The following SCAMP3 variants were observed in gnomAD, a reference collection of about 807,000 sequenced individuals.
SCAMP3 encodes secretory carrier-associated membrane protein 3.
In SCAMP3, 30 loss-of-function variants were observed where a neutral mutation model predicts 44.1. The ratio of observed to expected loss-of-function variants is 0.68; its 90% confidence interval spans 0.51 to 0.92. SCAMP3 has a LOEUF of 0.92. Ranked by LOEUF, SCAMP3 falls within the 40% of genes least tolerant of loss-of-function variation. The probability of loss-of-function intolerance (pLI) is 0.00; values close to 1 mark genes in which losing one functional copy is unlikely to be tolerated. For synonymous variants in SCAMP3, 168 were observed against 171.1 expected (o/e 0.98, Z 0.14); for missense variants, 394 against 440.0 (o/e 0.90, Z 0.93).
intron 7 of SCAMP3, 133 bp downstream of exon 7, chr1:155,257,152 T>C: frequency 1.5e-6 from 1 of 657,750 alleles, no homozygotes; most frequent in African/African-American, 1.8e-5. Flanking sequence ...TGGAAGTATG[T>C]CTTGTATCTC....
Position 155,260,736 on chromosome 1 carries a change from A to G in SCAMP3, c.145-77T>C, listed in dbSNP as rs574412719. 43 of 1,301,816 alleles carry G rather than the reference A, an allele frequency of 3.3e-5. No individual in the cohort carries two copies. In the South Asian group the frequency reaches 5.3e-4, roughly 16 times the overall value. The allele number at this position is 1,301,816 out of a possible 1,614,324, so 80.6% of individuals were successfully genotyped here. On this transcript the variant is annotated intron_variant, in intron 2 of 8. Transcript: ENST00000302631. ...CTAGAGTCTGCTTGAATACCTTTAG[A>G]CCCAGAACTCATGATGTAAGGAAGC...
intron 2 of SCAMP3, 49 bp downstream of exon 2, chr1:155,261,608 C>T (rs1406482123): frequency 3.9e-6 from 6 of 1,552,292 alleles, no homozygotes; most frequent in Non-Finnish European, 4.4e-6. Flanking sequence ...ACTTGTCTCA[C>T]TGGCAAACCC....
rs750434891 is a variant in SCAMP3 at position 155,261,641 on chromosome 1, C to T, written c.144+16G>A. On this transcript the variant is annotated intron_variant, in intron 2 of 8. Coordinates refer to ENST00000302631, the MANE Select transcript of SCAMP3 (RefSeq NM_005698.4). ...CCCTTCCCTTCCTTGAACTCCTATG[C>T]TCTCCAGTAGCTCACCTCCCGGGTC... The T allele has an allele frequency of 1.9e-6, 3 of 1,610,414 alleles. No individual in the cohort carries two copies. Among genetic ancestry groups the T allele is most frequent in the South Asian group, 1.1e-5 (1 of 91,030 alleles).
In SCAMP3 at chr1:155,257,404, A is replaced by G. The variant is rs1572002700; in HGVS notation, c.678-18T>C. The G allele has an allele frequency of 6.2e-7, 1 of 1,610,310 alleles. No homozygotes were observed. The highest frequency in any genetic ancestry group is 8.5e-7 in the Non-Finnish European group (1 of 1,177,376). ...TGTCACTCCTACAAAGAGGAAAAAA[A>G]TGGGGAGGGTGGGAGAAGAATTAGA... On this transcript the variant is annotated intron_variant, in intron 6 of 8. Coordinates refer to ENST00000302631, the MANE Select transcript of SCAMP3 (RefSeq NM_005698.4).
Position 155,258,813 on chromosome 1 carries a change from T to C in SCAMP3, c.517+13A>G. 6.3e-7 allele frequency: 1 copy of C among 1,598,658 alleles called. No homozygotes were observed. The highest frequency in any genetic ancestry group is 1.4e-5 in the African/African-American group (1 of 73,772). ...TACCTGTAACTTCCTCCAAAAGGCT[T>C]CTCACTACTCACACATCCAGAGGTA... On this transcript the variant is annotated intron_variant, in intron 5 of 8. Transcript: ENST00000302631.
intron 8 of SCAMP3, 40 bp downstream of exon 8, chr1:155,256,634 G>T: frequency 6.4e-7 from 1 of 1,561,862 alleles, no homozygotes; most frequent in Non-Finnish European, 8.8e-7. Flanking sequence ...GGGGACCCAT[G>T]ATCTCACCAT....
At position 155,259,826 on chromosome 1, in the gene SCAMP3, G is replaced by A. The variant is rs1015653330; in HGVS notation, c.388+504C>T. On this transcript the variant is annotated intron_variant, in intron 4 of 8. Coordinates refer to ENST00000302631, the MANE Select transcript of SCAMP3 (RefSeq NM_005698.4). ...ACAACCCTGTCAAACGGATGCAAACGTGGTTTTCATTTTATAAATAGGGAA... is the reference window on the plus strand; with the variant it reads ...ACAACCCTGTCAAACGGATGCAAACATGGTTTTCATTTTATAAATAGGGAA... Among the ~76,000 whole-genome samples the A allele has an allele frequency of 5.3e-5, 8 of 152,044 alleles. No homozygotes were observed. The East Asian group carries it at 1.2e-3, about 22-fold the overall frequency.
At chr1:155,257,191 A>G in intron 7 of SCAMP3, 94 bp downstream of exon 7, 1 of 832,832 alleles carries the variant, frequency 1.2e-6, no homozygotes. Flanking sequence ...AAGGATTAAA[A>G]CCACATTTCC....
At chr1:155,259,717 G>A (rs1672907335) in intron 4 of SCAMP3, among the ~76,000 whole-genome samples, 1 of 152,036 alleles carries the variant, frequency 6.6e-6, no homozygotes, top group African/African-American at 2.4e-5. Context: ...AAGTGAGAGT[G>A]GAAAAATTAA....
chr1:155,260,232 A>AT, intron 4 of SCAMP3, 98 bp downstream of exon 4: 2 of 1,448,162 alleles, frequency 1.4e-6, no homozygotes, highest in Non-Finnish European at 1.9e-6. Flanking sequence ...TGCTGGGATT[A>AT]TAGGTGTGAG....
intron 5 of SCAMP3, 131 bp downstream of exon 5, chr1:155,258,695 A>C (rs1672874005): frequency 2.5e-6 from 2 of 794,224 alleles, no homozygotes; most frequent in Non-Finnish European, 4.0e-6. Flanking sequence ...AAGTGGGGAG[A>C]GGGCAAGAAC....
At position 155,260,626 on chromosome 1, in the gene SCAMP3, G is replaced by C. The variant is rs778927364; in HGVS notation, c.178C>G (p.Pro60Ala). Reference sequence around the variant, plus strand: ...GAGGGAGCTGAGGGTGGAGGCAATGGGGCAGGGGCTGGAGGCTCATAGGCT... The same window carrying C: ...GAGGGAGCTGAGGGTGGAGGCAATGCGGCAGGGGCTGGAGGCTCATAGGCT... ...PPAYEPPAPAPLPPPSAPSLQ... is the reference protein window; with the variant it reads ...PPAYEPPAPAALPPPSAPSLQ... The change falls in exon 3 of 9, where the codon CCA becomes GCA. Residue 60 changes from proline to alanine, a missense_variant. By Grantham distance (27) the Pro-to-Ala change is conservative (BLOSUM62 -1). Transcript: ENST00000302631. 6 of 1,613,856 alleles carry C rather than the reference G, an allele frequency of 3.7e-6. No individual in the cohort carries two copies. Among genetic ancestry groups the C allele is most frequent in the Non-Finnish European group, 5.1e-6 (6 of 1,179,862 alleles).
At chr1:155,261,839 G>A in intron 1 of SCAMP3, 105 bp from the exon 2 acceptor site, 4 of 1,083,924 alleles carry the variant, frequency 3.7e-6, no homozygotes, top group African/African-American at 3.1e-5. Context: ...CACCTTCGGG[G>A]CCACGCCGTT....
At chr1:155,261,959 C>T in intron 1 of SCAMP3, 127 bp downstream of exon 1, 1 of 980,026 alleles carries the variant, frequency 1.0e-6, no homozygotes, top group Non-Finnish European at 1.6e-6. Context: ...TCTGGAGTCA[C>T]TGTCACCCCA....
chr1:155,257,406 G>A lies in SCAMP3; in HGVS notation c.678-20C>T, dbSNP rs751520074. On this transcript the variant is annotated intron_variant, in intron 6 of 8. Transcript: ENST00000302631. ...TCACTCCTACAAAGAGGAAAAAAAT[G>A]GGGAGGGTGGGAGAAGAATTAGAGC... The A allele has an allele frequency of 1.4e-5, 23 of 1,608,664 alleles. No individual in the cohort carries two copies. Among genetic ancestry groups the A allele is most frequent in the Middle Eastern group, 3.3e-4 (2 of 6,078 alleles).
In SCAMP3 at chr1:155,260,448, G is replaced by A. The variant is rs901210554; in HGVS notation, c.270C>T (p.Ala90=). The A allele has an allele frequency of 6.2e-7, 1 of 1,614,156 alleles. No homozygotes were observed. The highest frequency in any genetic ancestry group is 8.5e-7 in the Non-Finnish European group (1 of 1,180,042). ...GCTCAGCTGTGGCTGCTGCAGCTGA[G>A]GCCTGCCCAGTGTGAGCAGACGGAG... ...PKNYGSYSTQ[A]SAAAATAELL... The change falls in exon 4 of 9, where the codon GCC becomes GCT. Residue 90 remains alanine, a splice_region_variant and synonymous_variant. Transcript: ENST00000302631.
Position 155,256,740 on chromosome 1 carries a change from CACGGA to C in SCAMP3, c.826_830del (p.Ser276AlafsTer64), listed in dbSNP as rs749695230. 6.2e-6 allele frequency: 10 copies of C among 1,614,120 alleles called. No homozygotes were observed. The highest frequency in any genetic ancestry group is 8.5e-6 in the Non-Finnish European group (10 of 1,180,048). ...AGAGCAGGGCGACCAGCAGCATGAG[CACGGA>C]TACTGCTGTGTTGCCCTTCGGCACC... On this transcript the variant is annotated frameshift_variant, in exon 8 of 9. Coordinates refer to ENST00000302631, the MANE Select transcript of SCAMP3 (RefSeq NM_005698.4). LOFTEE classifies it high-confidence loss of function.
intron 2 of SCAMP3, chr1:155,261,251 GA>G (rs1672954562): frequency 5.4e-6 from 1 of 185,970 alleles, no homozygotes; most frequent in African/African-American, 2.3e-5. Context: ...TAAGTACCAT[GA>G]AAACCCCTTA....
At chr1:155,261,971 G>A in intron 1 of SCAMP3, 115 bp downstream of exon 1, 2 of 1,072,978 alleles carry the variant, frequency 1.9e-6, no homozygotes, top group Non-Finnish European at 2.8e-6. Context: ...GTCACCCCAC[G>A]TGGCGGCTCT....
Sources: allele counts gnomAD v4.1 joint callset (sites outside exome capture counted in the v4.1 genomes callset), GRCh38; gene constraint gnomAD v4.1.1; transcripts MANE v1.5; gene names NCBI Gene and HGNC (gene_info 2026-07-23, HGNC 2026-07-21).